The following CADPS variants were observed in gnomAD, a reference collection of about 807,000 sequenced individuals.
CADPS encodes the protein calcium dependent secretion activator.
Under a neutral mutation model 167.3 loss-of-function variants are expected in CADPS, and 57 were observed. The observed-to-expected ratio is 0.34, with a 90% confidence interval of 0.28 to 0.42. The LOEUF is 0.42. Ranked by LOEUF, CADPS falls within the 20% of genes least tolerant of loss-of-function variation. The pLI is 1.00. For missense variants in CADPS, 1,414 were observed against 1,738.1 expected (o/e 0.81, Z 3.32); for synonymous variants, 676 against 635.3 (o/e 1.06, Z -0.96).
At position 62,553,502 on chromosome 3, in the gene CADPS, C is replaced by T. The variant is rs567654390; in HGVS notation, c.1754-3387G>A. 1.8e-4 allele frequency among the ~76,000 whole-genome samples: 27 copies of T among 152,308 alleles called. 2 individuals carry two copies. The South Asian group carries it at 5.0e-3, about 28-fold the overall frequency. The stretch of plus-strand genomic sequence containing the variant: ...GGCTGTTTGTCTCCACAGCTGATGA[C>T]TATAACCACTGTGCTTTACTGCACC... On this transcript the variant is annotated intron_variant, in intron 10 of 29. Transcript: ENST00000383710.
At chr3:62,638,611 C>G (rs559110053) in intron 6 of CADPS, among the ~76,000 whole-genome samples, 1 of 152,164 alleles carries the variant, frequency 6.6e-6, no homozygotes, top group South Asian at 2.1e-4. Flanking sequence ...CAAGATTAGA[C>G]TACTCATGAA....
chr3:62,645,925 G>A, intron 5 of CADPS, 82 bp from the exon 6 acceptor site: 1 of 1,533,278 alleles, frequency 6.5e-7, no homozygotes, highest in Non-Finnish European at 8.9e-7. Flanking sequence ...CAAATGAGAA[G>A]CTACAGAGAA....
chr3:62,587,685 C>T (rs962823554), intron 7 of CADPS, among the ~76,000 whole-genome samples: 28 of 152,208 alleles, frequency 1.8e-4, no homozygotes, highest in African/African-American at 6.0e-4. Flanking sequence ...GGATTCTGGG[C>T]GTGCTTCCCA....
At chr3:62,545,033 A>T (rs1052179794) in intron 11 of CADPS, among the ~76,000 whole-genome samples, 4 of 152,098 alleles carry the variant, frequency 2.6e-5, no homozygotes, top group Non-Finnish European at 5.9e-5. Context: ...ACCTCCCCCA[A>T]ACCAACAGTA....
chr3:62,494,987 G>C (rs2064445402), intron 18 of CADPS, among the ~76,000 whole-genome samples: 1 of 152,092 alleles, frequency 6.6e-6, no homozygotes, highest in Non-Finnish European at 1.5e-5. Flanking sequence ...TAGCTTAAAA[G>C]TTGCAAACCA....
At chr3:62,825,122 C>T (rs2073798852) in intron 1 of CADPS, among the ~76,000 whole-genome samples, 1 of 152,096 alleles carries the variant, frequency 6.6e-6, no homozygotes, top group Non-Finnish European at 1.5e-5. Flanking sequence ...TTCTACATTG[C>T]TTGTTTAGAC....
chr3:62,747,633 T>C (rs2152364331), intron 3 of CADPS, among the ~76,000 whole-genome samples: 1 of 152,332 alleles, frequency 6.6e-6, no homozygotes, highest in South Asian at 2.1e-4. Flanking sequence ...AGTTCAATAA[T>C]GATAGAGAAT....
chr3:62,403,387 C>T lies in CADPS; in HGVS notation c.3778-202G>A, dbSNP rs1290194101. 5 of 426,802 alleles carry T rather than the reference C, an allele frequency of 1.2e-5. No individual in the cohort carries two copies. In the South Asian group the frequency reaches 1.9e-4, roughly 16 times the overall value. The allele number at this position is 426,802 out of a possible 1,614,324, so 26.4% of individuals were successfully genotyped here. On this transcript the variant is annotated intron_variant, in intron 28 of 29. Coordinates refer to ENST00000383710, the MANE Select transcript of CADPS (RefSeq NM_003716.4). Reference sequence around the variant, plus strand: ...TACTGGGTACTGGACCAATCCAAGACAGACAATCTAAGACAGTTAGGACTT... The same window carrying T: ...TACTGGGTACTGGACCAATCCAAGATAGACAATCTAAGACAGTTAGGACTT...
At chr3:62,618,010 T>A (rs911330095) in intron 6 of CADPS, among the ~76,000 whole-genome samples, 5 of 152,084 alleles carry the variant, frequency 3.3e-5, no homozygotes, top group African/African-American at 1.2e-4. Context: ...AATTGACAGG[T>A]GGTCGTTCTT....
chr3:62,831,188 GT>G (rs1374803056), intron 1 of CADPS, among the ~76,000 whole-genome samples: 1 of 152,182 alleles, frequency 6.6e-6, no homozygotes, highest in Non-Finnish European at 1.5e-5. Context: ...CTTGTGTGCT[GT>G]ATGCCAGTTG....
intron 1 of CADPS, among the ~76,000 whole-genome samples, chr3:62,853,652 A>G (rs747471090): frequency 6.6e-6 from 1 of 151,544 alleles, no homozygotes; most frequent in Non-Finnish European, 1.5e-5. Flanking sequence ...AAAGAAAAGA[A>G]AAGAAAGCAT....
At chr3:62,476,844 T>C (rs942819878) in intron 23 of CADPS, among the ~76,000 whole-genome samples, 4 of 152,196 alleles carry the variant, frequency 2.6e-5, no homozygotes, top group African/African-American at 9.6e-5. Context: ...AGTTTTTTTA[T>C]GGAATGGTTT....
At position 62,843,492 on chromosome 3, in the gene CADPS, GGTGTGT is replaced by G. The variant is rs150223612; in HGVS notation, c.441+31091_441+31096del. Among the ~76,000 whole-genome samples the G allele has an allele frequency of 6.6e-4, 98 of 149,114 alleles. 1 individual carries two copies. Among genetic ancestry groups the G allele is most frequent in the African/African-American group, 2.1e-3 (87 of 40,752 alleles). On this transcript the variant is annotated intron_variant, in intron 1 of 29. Coordinates refer to ENST00000383710, the MANE Select transcript of CADPS (RefSeq NM_003716.4). ...GTGATATATACAAGATGGCAGTTGG[GGTGTGT>G]GTGTGTGTGTGTGTGTGTGTCTATG...
chr3:62,504,961 G>A (rs2066401173), intron 17 of CADPS, among the ~76,000 whole-genome samples: 1 of 152,114 alleles, frequency 6.6e-6, no homozygotes, highest in Admixed American at 6.6e-5. Flanking sequence ...ATGATTGATG[G>A]AAACTCACTT....
rs55873488 is a variant in CADPS at position 62,410,680 on chromosome 3, T to C, written c.3778-7495A>G. Among the ~76,000 whole-genome samples the C allele has an allele frequency of 8.0e-3, 1,221 of 152,264 alleles. 16 individuals are homozygous for C. The highest frequency in any genetic ancestry group is 0.01 in the Non-Finnish European group (689 of 68,014). The stretch of plus-strand genomic sequence containing the variant: ...TTAAATGAGTTATTTAGGTGCTGAG[T>C]GCTTATAACAGTGCCAGGCACATCC... On this transcript the variant is annotated intron_variant, in intron 28 of 29. Coordinates refer to ENST00000383710, the MANE Select transcript of CADPS (RefSeq NM_003716.4).
At chr3:62,457,038 GA>G (rs1163910496) in intron 26 of CADPS, among the ~76,000 whole-genome samples, 4 of 152,030 alleles carry the variant, frequency 2.6e-5, no homozygotes, top group Non-Finnish European at 1.5e-5. Flanking sequence ...AGTAGAGTAA[GA>G]TTTTTTTTTT....
In CADPS at chr3:62,626,708, A is replaced by T. The variant is rs547898488; in HGVS notation, c.1325+19014T>A. 5 of 539,480 alleles carry T rather than the reference A, an allele frequency of 9.3e-6. No homozygotes were observed. In the South Asian group the frequency reaches 1.0e-4, roughly 11 times the overall value. The allele number at this position is 539,480 out of a possible 1,614,324, so 33.4% of individuals were successfully genotyped here. A position where few individuals can be genotyped will look rare whatever the true frequency, so the allele number is the denominator to read the frequency against. ...CAGAATCAATCTAGAATTTACTAAC[A>T]TGGTTTTTACTGAAGTTATTTTTAT... On this transcript the variant is annotated intron_variant, in intron 6 of 29. Coordinates refer to ENST00000383710, the MANE Select transcript of CADPS (RefSeq NM_003716.4).
At chr3:62,442,276 A>C (rs976361210) in intron 27 of CADPS, among the ~76,000 whole-genome samples, 1 of 151,414 alleles carries the variant, frequency 6.6e-6, no homozygotes, top group Non-Finnish European at 1.5e-5. Flanking sequence ...CAATGGCACA[A>C]TCTCGGCTCA....
intron 3 of CADPS, among the ~76,000 whole-genome samples, chr3:62,732,348 G>T (rs1324728201): frequency 6.6e-6 from 1 of 152,146 alleles, no homozygotes; most frequent in African/African-American, 2.4e-5. Context: ...AGGAAGTGAA[G>T]ACCTCAGTCC....
Sources: gnomAD v4.1 joint callset for allele counts (sites outside exome capture counted in the v4.1 genomes callset) on GRCh38, gnomAD v4.1.1 for gene constraint, MANE v1.5 for transcripts, NCBI Gene and HGNC (gene_info 2026-07-23, HGNC 2026-07-21) for gene names.